CRLS1: variants seen among roughly 807,000 people sequenced by gnomAD.
The protein encoded by CRLS1 is cardiolipin synthase 1.
A neutral mutation model predicts 37.0 loss-of-function variants in CRLS1; 24 were observed. The observed-to-expected ratio is 0.65, with a 90% confidence interval of 0.47 to 0.91. CRLS1 has a LOEUF of 0.91. Ranked by LOEUF, CRLS1 falls within the 40% of genes least tolerant of loss-of-function variation. The pLI is 0.00. For synonymous variants in CRLS1, 135 were observed against 159.7 expected, an observed-to-expected ratio of 0.85 and a Z score of 1.17; for missense variants, 373 against 395.8, an observed-to-expected ratio of 0.94 and a Z score of 0.49.
At chr20:6,006,795 G>T (rs1385112440) in intron 1 of CRLS1, 5 of 985,362 alleles carry the variant, frequency 5.1e-6, no homozygotes, top group Non-Finnish European at 6.0e-6. Flanking sequence ...ATCTGCACCC[G>T]TTGCTGGAAG....
rs2090049621 is a variant in CRLS1 at position 6,006,124 on chromosome 20, G to A, written c.-123G>A. On this transcript the variant is annotated 5_prime_UTR_variant, in exon 1 of 7. Transcript: ENST00000378863. Reference sequence around the variant, plus strand: ...GGAGTGTGCTGGGGTGTGTAAAGTAGTATGGAGGCAGCGGTAGCCCAGTGT... The same window carrying A: ...GGAGTGTGCTGGGGTGTGTAAAGTAATATGGAGGCAGCGGTAGCCCAGTGT... 1 of 460,966 alleles carries A rather than the reference G, an allele frequency of 2.2e-6. No individual in the cohort carries two copies. The allele number at this position is 460,966 out of a possible 1,614,324, so 28.6% of individuals were successfully genotyped here.
At chr20:6,013,980 C>G (rs1288333138) in intron 2 of CRLS1, among the ~76,000 whole-genome samples, 1 of 152,156 alleles carries the variant, frequency 6.6e-6, no homozygotes, top group African/African-American at 2.4e-5. Context: ...AGGTTAAGTT[C>G]CCTGAGGTCA....
intron 2 of CRLS1, among the ~76,000 whole-genome samples, chr20:6,010,985 C>G (rs2090124567): frequency 6.6e-6 from 1 of 151,366 alleles, no homozygotes; most frequent in South Asian, 2.1e-4. Context: ...CCACTGTACT[C>G]TAGCCTGGGT....
In CRLS1 at chr20:6,037,235, T is replaced by G; in HGVS notation, c.*77T>G. ...AGGGCCCATGGAAATGTACAGGAGTTTCCCTATTTTGGTGTTCAGCTTGAA... is the reference window on the plus strand; with the variant it reads ...AGGGCCCATGGAAATGTACAGGAGTGTCCCTATTTTGGTGTTCAGCTTGAA... On this transcript the variant is annotated 3_prime_UTR_variant, in exon 7 of 7. Coordinates refer to ENST00000378863, the MANE Select transcript of CRLS1 (RefSeq NM_019095.6). 2.9e-6 allele frequency: 3 copies of G among 1,024,430 alleles called. No individual in the cohort carries two copies. Among genetic ancestry groups the G allele is most frequent in the South Asian group, 4.0e-5 (2 of 50,350 alleles). 63.5% of individuals were successfully genotyped at this position (1,024,430 alleles called of 1,614,324 possible).
intron 1 of CRLS1, among the ~76,000 whole-genome samples, chr20:6,009,427 T>TC (rs1346046436): frequency 2.6e-5 from 4 of 152,178 alleles, no homozygotes; most frequent in African/African-American, 9.7e-5. Flanking sequence ...TCTTTTTTTT[T>TC]CTTTTTTTAA....
chr20:6,028,991 T>C (rs938157640), intron 3 of CRLS1, among the ~76,000 whole-genome samples: 13 of 152,230 alleles, frequency 8.5e-5, no homozygotes, highest in African/African-American at 3.1e-4. Flanking sequence ...TATCCTTCAG[T>C]TGGCTGAGGC....
At chr20:6,033,773 A>G (rs1181224513) in intron 5 of CRLS1, among the ~76,000 whole-genome samples, 1 of 152,100 alleles carries the variant, frequency 6.6e-6, no homozygotes. Flanking sequence ...TTGACTTCCC[A>G]GGCTCAAAAT....
chr20:6,014,978 T>C (rs1978629578), intron 2 of CRLS1, among the ~76,000 whole-genome samples: 1 of 152,122 alleles, frequency 6.6e-6, no homozygotes, highest in African/African-American at 2.4e-5. Context: ...TGGATTATAT[T>C]ATCCTAGTCC....
At chr20:6,015,568 C>G (rs748290114) in intron 3 of CRLS1, 78 bp downstream of exon 3, 2 of 1,404,902 alleles carry the variant, frequency 1.4e-6, no homozygotes, top group Admixed American at 3.4e-5. Flanking sequence ...TCTTGAGAGA[C>G]AAATAATTTT....
At chr20:6,025,694 A>T (rs753879694) in intron 3 of CRLS1, among the ~76,000 whole-genome samples, 4 of 152,232 alleles carry the variant, frequency 2.6e-5, no homozygotes, top group Non-Finnish European at 5.9e-5. Flanking sequence ...GCCATTAAGA[A>T]TATTGGTGAT....
chr20:6,031,496 T>A, intron 4 of CRLS1, 126 bp downstream of exon 4: 1 of 633,592 alleles, frequency 1.6e-6, no homozygotes, highest in Admixed American at 3.2e-5. Flanking sequence ...AGCCAGCCCC[T>A]ATCCCTAGAA....
intron 4 of CRLS1, 26 bp from the exon 5 acceptor site, chr20:6,031,986 C>T: frequency 6.4e-7 from 1 of 1,558,888 alleles, no homozygotes; most frequent in Non-Finnish European, 8.8e-7. Flanking sequence ...AAGTTAATTA[C>T]TTTATCTTTT....
At chr20:6,008,563 G>A (rs995225300) in intron 1 of CRLS1, among the ~76,000 whole-genome samples, 1 of 152,252 alleles carries the variant, frequency 6.6e-6, no homozygotes, top group Non-Finnish European at 1.5e-5. Flanking sequence ...TGGGAGCTGT[G>A]AAAGTCCTTG....
Position 6,015,329 on chromosome 20 carries a change from T to TTA in CRLS1, c.445-23_445-22dup, listed in dbSNP as rs766440895. The TTA allele has an allele frequency of 2.3e-5, 34 of 1,449,530 alleles. No homozygotes were observed. The South Asian group carries it at 3.6e-4, about 16-fold the overall frequency. The allele number at this position is 1,449,530 out of a possible 1,614,324, so 89.8% of individuals were successfully genotyped here. A position where few individuals can be genotyped will look rare whatever the true frequency, so the allele number is the denominator to read the frequency against. The stretch of plus-strand genomic sequence containing the variant: ...ATCTGCTTTGTTCCTGTTATGACAT[T>TTA]TATATATATAAAAAAAAACTTCTAT... On this transcript the variant is annotated intron_variant, in intron 2 of 6. Coordinates refer to ENST00000378863, the MANE Select transcript of CRLS1 (RefSeq NM_019095.6).
At chr20:6,037,052 T>C (rs1416033205) in intron 6 of CRLS1, 22 bp from the exon 7 acceptor site, 1 of 1,572,910 alleles carries the variant, frequency 6.4e-7, no homozygotes, top group Non-Finnish European at 8.7e-7. Context: ...AACTACATTT[T>C]ATTTCTTTTC....
At chr20:6,017,780 C>T (rs1273860753) in intron 3 of CRLS1, among the ~76,000 whole-genome samples, 1 of 152,164 alleles carries the variant, frequency 6.6e-6, no homozygotes, top group Non-Finnish European at 1.5e-5. Flanking sequence ...TTAAGTCTTC[C>T]AGTCCAGTAT....
At chr20:6,024,461 G>A (rs1022810173) in intron 3 of CRLS1, among the ~76,000 whole-genome samples, 1 of 152,146 alleles carries the variant, frequency 6.6e-6, no homozygotes, top group Non-Finnish European at 1.5e-5. Context: ...TTAATGTTGT[G>A]TATGTTCTGA....
upstream of CRLS1, chr20:6,006,011 A>AG: frequency 3.0e-6 from 1 of 338,842 alleles, no homozygotes; most frequent in Non-Finnish European, 5.3e-6. Flanking sequence ...CCGCTGTGCC[A>AG]GGGGCGCCGG....
At chr20:6,014,876 T>C (rs1405947395) in intron 2 of CRLS1, among the ~76,000 whole-genome samples, 1 of 152,170 alleles carries the variant, frequency 6.6e-6, no homozygotes, top group Non-Finnish European at 1.5e-5. Context: ...TATTCAAATG[T>C]AGGTAATGCA....
Sources: allele counts gnomAD v4.1 joint callset (sites outside exome capture counted in the v4.1 genomes callset), GRCh38; gene constraint gnomAD v4.1.1; transcripts MANE v1.5; gene names NCBI Gene and HGNC (gene_info 2026-07-23, HGNC 2026-07-21).